Variants in XYLT1 observed in about 807,000 individuals in gnomAD.
XYLT1 encodes xylosyltransferase 1, also known as beta-D-xylosyltransferase 1.
Under a neutral mutation model 91.3 loss-of-function variants are expected in XYLT1, and 36 were observed. The observed-to-expected ratio is 0.39, with a 90% CI of 0.30 to 0.52. The LOEUF (loss-of-function observed/expected upper bound fraction) is 0.52. Ranked by LOEUF, XYLT1 falls within the 20% of genes least tolerant of loss-of-function variation. The pLI is 0.68. For missense variants in XYLT1, 1,242 were observed against 1,284.5 expected (o/e 0.97, Z 0.51); for synonymous variants, 588 against 532.0 (o/e 1.11, Z -1.45).
chr16:17,337,821 C>T (rs2035008482), intron 2 of XYLT1, among the ~76,000 whole-genome samples: 1 of 140,730 alleles, frequency 7.1e-6, no homozygotes, highest in Non-Finnish European at 1.5e-5. Flanking sequence ...TGCTCTGTCA[C>T]CCAGGCTGGA....
At chr16:17,189,824 A>G (rs760724467) in intron 5 of XYLT1, among the ~76,000 whole-genome samples, 6 of 152,178 alleles carry the variant, frequency 3.9e-5, no homozygotes, top group Non-Finnish European at 8.8e-5. Flanking sequence ...AGGTGGGTAG[A>G]TCACATGAGG....
chr16:17,318,376 G>A (rs532501228), intron 2 of XYLT1, among the ~76,000 whole-genome samples: 32 of 152,286 alleles, frequency 2.1e-4, no homozygotes, highest in African/African-American at 7.2e-4. Flanking sequence ...ATGGCTTTTC[G>A]GGGGAGGAGT....
chr16:17,252,644 G>T (rs7197213), intron 3 of XYLT1, among the ~76,000 whole-genome samples: 1 of 151,974 alleles, frequency 6.6e-6, no homozygotes. Flanking sequence ...GAAAAGTCCC[G>T]AGAGCAAGGA....
intron 1 of XYLT1, among the ~76,000 whole-genome samples, chr16:17,381,095 C>T (rs1158021800): frequency 1.3e-5 from 2 of 151,858 alleles, no homozygotes; most frequent in African/African-American, 4.8e-5. Flanking sequence ...TTCAATTAAT[C>T]GCTAATGTTT....
chr16:17,140,179 G>A (rs1474772470), intron 7 of XYLT1, among the ~76,000 whole-genome samples: 1 of 152,176 alleles, frequency 6.6e-6, no homozygotes, highest in African/African-American at 2.4e-5. Flanking sequence ...CTTCAGAACT[G>A]GATCCCCTCC....
chr16:17,286,891 C>T (rs961050072), intron 2 of XYLT1, among the ~76,000 whole-genome samples: 2 of 152,108 alleles, frequency 1.3e-5, no homozygotes, highest in African/African-American at 2.4e-5. Flanking sequence ...AGGAAACTTA[C>T]GTTCAGAGTT....
chr16:17,396,909 C>G (rs1348021367), intron 1 of XYLT1, among the ~76,000 whole-genome samples: 1 of 152,144 alleles, frequency 6.6e-6, no homozygotes, highest in Non-Finnish European at 1.5e-5. Context: ...AAATGATTAC[C>G]ATCCCATACC....
chr16:17,175,636 G>A (rs2031926587), intron 5 of XYLT1, among the ~76,000 whole-genome samples: 1 of 152,160 alleles, frequency 6.6e-6, no homozygotes, highest in African/African-American at 2.4e-5. Context: ...CCTCTCTCAT[G>A]GAAAATGGGA....
intron 2 of XYLT1, among the ~76,000 whole-genome samples, chr16:17,311,791 G>A (rs778987641): frequency 7.5e-5 from 7 of 93,026 alleles, no homozygotes; most frequent in East Asian, 2.7e-4. Context: ...TGGGGAGGCC[G>A]CACAATCATG....
intron 5 of XYLT1, among the ~76,000 whole-genome samples, chr16:17,185,888 G>C (rs66932251): frequency 0.59 from 90,093 of 151,798 alleles, 28,957 homozygotes; most frequent in African/African-American, 0.84. Context: ...GTAATCCCAG[G>C]TACTTGGGAG....
intron 3 of XYLT1, among the ~76,000 whole-genome samples, chr16:17,215,009 A>G (rs1293316857): frequency 6.6e-6 from 1 of 152,182 alleles, no homozygotes; most frequent in Non-Finnish European, 1.5e-5. Flanking sequence ...TTGAAGGCCT[A>G]GCCTCTCCTG....
rs1426090745 is a variant in XYLT1 at position 17,103,552 on chromosome 16, C to G, written c.*5143G>C. 6.6e-6 allele frequency: 1 copy of G among 152,092 alleles called. No homozygotes were observed. Among genetic ancestry groups the G allele is most frequent in the Admixed American group, 6.6e-5 (1 of 15,262 alleles). The allele number at this position is 152,092 out of a possible 1,614,324, so 9.4% of individuals were successfully genotyped here. A position where few individuals can be genotyped will look rare whatever the true frequency, so the allele number is the denominator to read the frequency against. ...AGGGAAAGGATGGATGGTCAGCTTC[C>G]CAAAAATAATGTTAAGGCCACATTT... On this transcript the variant is annotated 3_prime_UTR_variant, in exon 12 of 12. Coordinates refer to ENST00000261381, the MANE Select transcript of XYLT1 (RefSeq NM_022166.4).
At chr16:17,405,302 G>A (rs185732397) in intron 1 of XYLT1, among the ~76,000 whole-genome samples, 2 of 152,292 alleles carry the variant, frequency 1.3e-5, no homozygotes, top group East Asian at 1.9e-4. Flanking sequence ...ACACAAGGCC[G>A]GCTCAGTTCT....
At chr16:17,437,510 C>T (rs1284018557) in intron 1 of XYLT1, among the ~76,000 whole-genome samples, 1 of 152,176 alleles carries the variant, frequency 6.6e-6, no homozygotes, top group East Asian at 1.9e-4. Flanking sequence ...CCAATGTGCA[C>T]GATGTCACCC....
intron 6 of XYLT1, among the ~76,000 whole-genome samples, chr16:17,153,537 C>A (rs1267815812): frequency 6.6e-6 from 1 of 152,228 alleles, no homozygotes; most frequent in Non-Finnish European, 1.5e-5. Context: ...ACATCAGCCT[C>A]CCAGGATGCT....
rs535595626 is a variant in XYLT1, at chr16:17,105,485, T to C, written c.*3210A>G. 6.6e-5 allele frequency: 10 copies of C among 152,262 alleles called. No individual in the cohort carries two copies. Among genetic ancestry groups the C allele is most frequent in the African/African-American group, 2.4e-4 (10 of 41,554 alleles). 9.4% of individuals were successfully genotyped at this position (152,262 alleles called of 1,614,324 possible). A position where few individuals can be genotyped will look rare whatever the true frequency, so the allele number is the denominator to read the frequency against. ...TCTCACAACACGGGGACCTTGGGAATTGCTCACTGCCTCCTTGGAGACACA... is the reference window on the plus strand; with the variant it reads ...TCTCACAACACGGGGACCTTGGGAACTGCTCACTGCCTCCTTGGAGACACA... On this transcript the variant is annotated 3_prime_UTR_variant, in exon 12 of 12. Transcript: ENST00000261381.
intron 5 of XYLT1, among the ~76,000 whole-genome samples, chr16:17,170,466 G>A (rs762622647): frequency 2.0e-5 from 3 of 152,126 alleles, no homozygotes; most frequent in Non-Finnish European, 4.4e-5. Flanking sequence ...TGTAGCCCAC[G>A]GAAACTGCTC....
intron 6 of XYLT1, among the ~76,000 whole-genome samples, chr16:17,157,088 T>C (rs1223184225): frequency 6.6e-6 from 1 of 151,972 alleles, no homozygotes; most frequent in Admixed American, 6.6e-5. Context: ...GCTGGGATTA[T>C]AGGTGTGCAC....
rs960726304 is a variant in XYLT1 at position 17,470,843 on chromosome 16, C to A, written c.-47G>T. On this transcript the variant is annotated 5_prime_UTR_variant, in exon 1 of 12. Coordinates refer to ENST00000261381, the MANE Select transcript of XYLT1 (RefSeq NM_022166.4). ...CGAGGCGCGGGGACCCCGGCACGCT[C>A]CGGGCCGCCCCCGCGCTCCCCGCAG... is the stretch of plus-strand genomic sequence containing the variant. The A allele has an allele frequency of 1.2e-6, 1 of 842,344 alleles. No homozygotes were observed. Among genetic ancestry groups the A allele is most frequent in the South Asian group, 5.8e-5 (1 of 17,350 alleles). 52.2% of individuals were successfully genotyped at this position (842,344 alleles called of 1,614,324 possible).
Sources: gnomAD v4.1 joint callset for allele counts (sites outside exome capture counted in the v4.1 genomes callset) on GRCh38, gnomAD v4.1.1 for gene constraint, MANE v1.5 for transcripts, NCBI Gene and HGNC (gene_info 2026-07-23, HGNC 2026-07-21) for gene names.